PLXDC2: variants seen among roughly 807,000 people sequenced by gnomAD.
The protein encoded by PLXDC2 is plexin domain containing 2, also known as plexin domain-containing protein 2.
A neutral mutation model predicts 68.9 loss-of-function variants in PLXDC2; 40 were observed. That is an observed-to-expected ratio of 0.58 (90% CI 0.45 to 0.76). The LOEUF is 0.76. Among genes scored for constraint, PLXDC2 ranks in the 30% least tolerant of loss-of-function variants. The probability of loss-of-function intolerance (pLI) is 0.00; values close to 1 mark genes in which losing one functional copy is unlikely to be tolerated. For synonymous variants in PLXDC2, 243 were observed against 234.2 expected, an observed-to-expected ratio of 1.04 and a Z score of -0.34; for missense variants, 644 against 661.9, an observed-to-expected ratio of 0.97 and a Z score of 0.30.
chr10:20,140,109 G>A (rs983479585), intron 4 of PLXDC2, among the ~76,000 whole-genome samples: 5 of 151,968 alleles, frequency 3.3e-5, no homozygotes, highest in African/African-American at 9.7e-5. Context: ...GACCATCCTG[G>A]CTAACACAGT....
chr10:20,215,194 C>T (rs762286902), intron 10 of PLXDC2, among the ~76,000 whole-genome samples: 2 of 152,032 alleles, frequency 1.3e-5, no homozygotes, highest in Non-Finnish European at 2.9e-5. Flanking sequence ...GGGTGTGTCA[C>T]AGAAACCAAG....
chr10:19,833,677 A>T (rs571167268), intron 1 of PLXDC2, among the ~76,000 whole-genome samples: 7 of 152,320 alleles, frequency 4.6e-5, no homozygotes, highest in African/African-American at 1.7e-4. Context: ...GTTTCTAGGG[A>T]TAAATAAACC....
intron 4 of PLXDC2, among the ~76,000 whole-genome samples, chr10:20,133,504 A>C (rs566482331): frequency 6.6e-6 from 1 of 152,212 alleles, no homozygotes; most frequent in East Asian, 1.9e-4. Context: ...GTTTACTTTC[A>C]ACACTTTGAA....
intron 1 of PLXDC2, among the ~76,000 whole-genome samples, chr10:19,937,369 C>T (rs1178207620): frequency 1.3e-5 from 2 of 151,716 alleles, no homozygotes; most frequent in Non-Finnish European, 2.9e-5. Context: ...CTTCCTGGGT[C>T]ACCTGTACTC....
chr10:19,922,321 T>C (rs1312927726), intron 1 of PLXDC2, among the ~76,000 whole-genome samples: 1 of 152,240 alleles, frequency 6.6e-6, no homozygotes, highest in African/African-American at 2.4e-5. Flanking sequence ...TTATCGTAAC[T>C]TGTACTTTAT....
rs548289761 is a variant in PLXDC2 at position 20,230,523 on chromosome 10, T to G, written c.1312+11421T>G. 1.7e-4 allele frequency among the ~76,000 whole-genome samples: 26 copies of G among 151,108 alleles called. No homozygotes were observed. The South Asian group carries it at 5.5e-3, about 32-fold the overall frequency. ...CATCTCTACTAAAAATACAAAAAAATTAGCCGAGCATGGTGGCGTGCACTT... is the reference window on the plus strand; with the variant it reads ...CATCTCTACTAAAAATACAAAAAAAGTAGCCGAGCATGGTGGCGTGCACTT... On this transcript the variant is annotated intron_variant, in intron 12 of 13. Coordinates refer to ENST00000377252, the MANE Select transcript of PLXDC2 (RefSeq NM_032812.9).
chr10:19,820,959 T>C (rs993097377), intron 1 of PLXDC2, among the ~76,000 whole-genome samples: 7 of 151,756 alleles, frequency 4.6e-5, no homozygotes, highest in Non-Finnish European at 8.8e-5. Context: ...ACCCCTATAA[T>C]CCTGGCTATA....
intron 4 of PLXDC2, among the ~76,000 whole-genome samples, chr10:20,134,641 G>T (rs1833911560): frequency 6.6e-6 from 1 of 152,106 alleles, no homozygotes; most frequent in South Asian, 2.1e-4. Flanking sequence ...GGGTCTATGG[G>T]AATCAACCTG....
chr10:19,973,816 A>T (rs944304097), intron 1 of PLXDC2, among the ~76,000 whole-genome samples: 2 of 152,148 alleles, frequency 1.3e-5, no homozygotes, highest in South Asian at 2.1e-4. Flanking sequence ...TCCCTGGGAG[A>T]GCGCCATTCT....
rs1230221551 is a variant in PLXDC2, at chr10:19,978,973, T to TGC, written c.113-22802_113-22801insGC. Among the ~76,000 whole-genome samples the TGC allele has an allele frequency of 4.6e-5, 7 of 152,216 alleles. No homozygotes were observed. In the East Asian group the frequency reaches 1.3e-3, roughly 29 times the overall value. The stretch of plus-strand genomic sequence containing the variant: ...CTATTATTACCTACAAGTATTTTCT[T>TGC]ATATGTATGCATGTATATATAAAGT... On this transcript the variant is annotated intron_variant, in intron 1 of 13. Coordinates refer to ENST00000377252, the MANE Select transcript of PLXDC2 (RefSeq NM_032812.9).
At chr10:19,837,409 A>T (rs4619050) in intron 1 of PLXDC2, among the ~76,000 whole-genome samples, 1,705 of 82,532 alleles carry the variant, frequency 0.021, 17 homozygotes, top group Non-Finnish European at 0.024. Flanking sequence ...AGAGAGAGAG[A>T]GTGTGTGTGT....
intron 4 of PLXDC2, among the ~76,000 whole-genome samples, chr10:20,108,311 A>C (rs149503439): frequency 6.6e-6 from 1 of 152,164 alleles, no homozygotes; most frequent in Non-Finnish European, 1.5e-5. Flanking sequence ...GGATTACCAC[A>C]TACCAATTTT....
At chr10:20,094,730 A>G (rs1277552985) in intron 4 of PLXDC2, among the ~76,000 whole-genome samples, 1 of 152,132 alleles carries the variant, frequency 6.6e-6, no homozygotes, top group Non-Finnish European at 1.5e-5. Flanking sequence ...CTCTTTTCTA[A>G]GAAAGGGGTA....
At chr10:20,095,464 T>G (rs894731682) in intron 4 of PLXDC2, among the ~76,000 whole-genome samples, 1 of 152,024 alleles carries the variant, frequency 6.6e-6, no homozygotes, top group East Asian at 1.9e-4. Context: ...GGAGCATACA[T>G]AAGAACTATG....
At chr10:19,991,328 CTA>C (rs1384922450) in intron 1 of PLXDC2, among the ~76,000 whole-genome samples, 1 of 139,798 alleles carries the variant, frequency 7.2e-6, no homozygotes, top group Non-Finnish European at 1.5e-5. Context: ...GTTGAAATTT[CTA>C]TTTCTCATCA....
intron 2 of PLXDC2, among the ~76,000 whole-genome samples, chr10:20,003,324 C>A (rs1834973513): frequency 6.6e-6 from 1 of 152,154 alleles, no homozygotes; most frequent in Non-Finnish European, 1.5e-5. Context: ...ATAAAGGCAG[C>A]TCAGGGAGTG....
intron 9 of PLXDC2, among the ~76,000 whole-genome samples, chr10:20,183,892 T>TGGTGTTA (rs1282387231): frequency 6.6e-6 from 1 of 152,014 alleles, no homozygotes; most frequent in Non-Finnish European, 1.5e-5. Context: ...CTTAACCTCT[T>TGGTGTTA]GGTGTTAGTC....
intron 10 of PLXDC2, 114 bp downstream of exon 10, chr10:20,211,843 G>T (rs1835074332): frequency 3.1e-6 from 3 of 982,532 alleles, no homozygotes; most frequent in African/African-American, 3.3e-5. Flanking sequence ...GAAAGGAGAA[G>T]AATCCTTCTA....
At chr10:20,018,305 T>A (rs1835247548) in intron 2 of PLXDC2, among the ~76,000 whole-genome samples, 1 of 143,968 alleles carries the variant, frequency 6.9e-6, no homozygotes, top group Admixed American at 7.1e-5. Flanking sequence ...CCATACTATG[T>A]TGAGTTGAAA....
Sources: allele counts gnomAD v4.1 joint callset (sites outside exome capture counted in the v4.1 genomes callset), GRCh38; gene constraint gnomAD v4.1.1; transcripts MANE v1.5; gene names NCBI Gene and HGNC (gene_info 2026-07-23, HGNC 2026-07-21).